FAXC: variants seen among roughly 807,000 people sequenced by gnomAD.
FAXC encodes the protein failed axon connections homolog, metaxin like GST domain containing, also known as failed axon connections homolog.
In FAXC, 10 loss-of-function variants were observed where a neutral mutation model predicts 41.9. The observed-to-expected ratio is 0.24, with a 90% CI of 0.15 to 0.41. The LOEUF is 0.41. Ranked by LOEUF, FAXC falls within the 10% of genes least tolerant of loss-of-function variation. The probability of loss-of-function intolerance (pLI) is 1.00; values close to 1 mark genes in which losing one functional copy is unlikely to be tolerated. For missense variants in FAXC, 399 were observed against 510.9 expected (o/e 0.78, Z 2.11); for synonymous variants, 183 against 183.8 (o/e 1.00, Z 0.03).
At chr6:99,332,616 G>A (rs1474723) in intron 3 of FAXC, among the ~76,000 whole-genome samples, 19,991 of 152,122 alleles carry the variant, frequency 0.13, 1,795 homozygotes, top group South Asian at 0.28. Flanking sequence ...TCATCAACTC[G>A]TGTGATGGTT....
rs141573986 is a variant in FAXC, at chr6:99,308,579, G to A, written c.823+14865C>T. ...AGGGAAATTATTCCTCAGAAGTAAT[G>A]CATCCAGACATGAAAGAGTCATCTA... is the stretch of plus-strand genomic sequence containing the variant. On this transcript the variant is annotated intron_variant, in intron 4 of 5. Transcript: ENST00000389677. Among the ~76,000 whole-genome samples, 460 of 148,154 alleles carry A rather than the reference G, an allele frequency of 3.1e-3. 5 individuals are homozygous for A. Among genetic ancestry groups the A allele is most frequent in the African/African-American group, 0.011 (443 of 40,154 alleles).
chr6:99,288,934 CAT>C (rs1164560254), intron 5 of FAXC, among the ~76,000 whole-genome samples: 1 of 151,844 alleles, frequency 6.6e-6, no homozygotes, highest in Admixed American at 6.6e-5. Context: ...GACCACCACA[CAT>C]GACTGCTTGC....
Position 99,349,400 on chromosome 6 carries a change from C to A in FAXC, c.-28G>T. ...TGCGCGGCTGGCTCCGGGCGCCCCTCCCAGGGCCCGCGCCGCCCGCATGGG... is the reference window on the plus strand; with the variant it reads ...TGCGCGGCTGGCTCCGGGCGCCCCTACCAGGGCCCGCGCCGCCCGCATGGG... On this transcript the variant is annotated 5_prime_UTR_variant, in exon 1 of 6. Transcript: ENST00000389677. 1 of 1,568,488 alleles carries A rather than the reference C, an allele frequency of 6.4e-7. No homozygotes were observed. Among genetic ancestry groups the A allele is most frequent in the Non-Finnish European group, 8.6e-7 (1 of 1,159,678 alleles).
In FAXC at chr6:99,342,978, G is replaced by C; in HGVS notation, c.322C>G (p.Pro108Ala). The C allele has an allele frequency of 6.2e-7, 1 of 1,611,966 alleles. No homozygotes were observed. Among genetic ancestry groups the C allele is most frequent in the Non-Finnish European group, 8.5e-7 (1 of 1,179,436 alleles). Residue 108 changes from proline (P) to alanine (A), a missense_variant, in exon 2 of 6, where the codon CCT becomes GCT. Around this residue, in one of 3 missense-constraint regions of FAXC, gnomAD observed 239 missense variants for 352.7 expected, o/e 0.68. Transcript: ENST00000389677. ...DAIILHQFAR[P>A]NNGVPSLSPF... ...GATAAACTTGGAACACCATTGTTAG[G>C]TCTTGCAAACTGATGCAAAATAATA...
At chr6:99,349,837 C>T (rs1280530850), upstream of FAXC, among the ~76,000 whole-genome samples, 1 of 152,038 alleles carries the variant, frequency 6.6e-6, no homozygotes, top group African/African-American at 2.4e-5. Flanking sequence ...CCGGGCGGCA[C>T]GCCCAAAAAC....
chr6:99,308,609 T>TAA (rs1772028763), intron 4 of FAXC, among the ~76,000 whole-genome samples: 1 of 137,214 alleles, frequency 7.3e-6, no homozygotes. Flanking sequence ...CATCTATAAT[T>TAA]CAAAAAAAAA....
intron 2 of FAXC, among the ~76,000 whole-genome samples, chr6:99,337,317 A>C (rs1277075760): frequency 6.6e-6 from 1 of 152,056 alleles, no homozygotes; most frequent in African/African-American, 2.4e-5. Flanking sequence ...ATCAAAAGTT[A>C]GGGCTGACAG....
chr6:99,343,913 T>C (rs943150453), intron 1 of FAXC, among the ~76,000 whole-genome samples: 5 of 152,186 alleles, frequency 3.3e-5, no homozygotes, highest in African/African-American at 4.8e-5. Flanking sequence ...GCTTTTCCCC[T>C]TTCTCCTGTC....
At chr6:99,304,873 G>T (rs1771852870) in intron 4 of FAXC, among the ~76,000 whole-genome samples, 1 of 152,212 alleles carries the variant, frequency 6.6e-6, no homozygotes. Flanking sequence ...CAGTGCAACA[G>T]CAGAGAAGAG....
rs146083334 is a variant in FAXC, at chr6:99,323,947, C to T, written c.600-280G>A. On this transcript the variant is annotated intron_variant, in intron 3 of 5. Transcript: ENST00000389677. ...CCTCTCCCCTCCCCTCCCAGTGCCA[C>T]GTTTCTGCCTTCTCTCACACAACCC... Among the ~76,000 whole-genome samples, 1,202 of 152,212 alleles carry T rather than the reference C, an allele frequency of 7.9e-3. 16 individuals carry two copies. The highest frequency in any genetic ancestry group is 0.058 in the South Asian group (277 of 4,814).
intron 3 of FAXC, among the ~76,000 whole-genome samples, chr6:99,328,791 C>T (rs1772922567): frequency 6.6e-6 from 1 of 152,186 alleles, no homozygotes; most frequent in South Asian, 2.1e-4. Flanking sequence ...CATTACAAAG[C>T]CTTGATGTCT....
At chr6:99,333,707 C>T (rs1773111931) in intron 2 of FAXC, among the ~76,000 whole-genome samples, 160 bp from the exon 3 acceptor site, 1 of 152,058 alleles carries the variant, frequency 6.6e-6, no homozygotes, top group African/African-American at 2.4e-5. Context: ...TACATGGTTA[C>T]TTCAGGAAAA....
chr6:99,283,995 T>C (rs1770924775), intron 5 of FAXC: 1 of 152,218 alleles, frequency 6.6e-6, no homozygotes, highest in Non-Finnish European at 1.5e-5. Flanking sequence ...TGCTCTGTGA[T>C]CATGTGACAT....
At chr6:99,290,198 T>C (rs1771184454) in intron 5 of FAXC, among the ~76,000 whole-genome samples, 1 of 151,706 alleles carries the variant, frequency 6.6e-6, no homozygotes, top group African/African-American at 2.4e-5. Flanking sequence ...TCTTTCCGTA[T>C]GCCATTTCCA....
In FAXC at chr6:99,280,942, T is replaced by C; in HGVS notation, c.*222A>G. 2.0e-6 allele frequency: 1 copy of C among 501,908 alleles called. No homozygotes were observed. The allele number at this position is 501,908 out of a possible 1,614,324, so 31.1% of individuals were successfully genotyped here. ...AAACAAAAATGGATTTCAGGAACCA[T>C]GCTGACATTATTTTTTGCCTGTTTG... On this transcript the variant is annotated 3_prime_UTR_variant, in exon 6 of 6. Transcript: ENST00000389677.
intron 4 of FAXC, among the ~76,000 whole-genome samples, chr6:99,307,985 T>A (rs1435654024): frequency 6.6e-6 from 1 of 151,864 alleles, no homozygotes; most frequent in Non-Finnish European, 1.5e-5. Context: ...TTGGGACAAA[T>A]CAAAGACAAT....
chr6:99,338,997 A>G (rs1299969186), intron 2 of FAXC, among the ~76,000 whole-genome samples: 1 of 152,202 alleles, frequency 6.6e-6, no homozygotes, highest in African/African-American at 2.4e-5. Flanking sequence ...GCCCTGCATT[A>G]TAGCACTTAC....
intron 4 of FAXC, among the ~76,000 whole-genome samples, chr6:99,317,557 A>G (rs955394839): frequency 2.0e-5 from 3 of 150,580 alleles, no homozygotes; most frequent in Admixed American, 6.6e-5. Context: ...AGGTCAGAAA[A>G]CAGCAGGGGC....
At chr6:99,336,614 C>T (rs1773225775) in intron 2 of FAXC, among the ~76,000 whole-genome samples, 1 of 152,186 alleles carries the variant, frequency 6.6e-6, no homozygotes, top group African/African-American at 2.4e-5. Flanking sequence ...ACATATACTA[C>T]ATTATTAGCA....
Sources: allele counts gnomAD v4.1 joint callset (sites outside exome capture counted in the v4.1 genomes callset), GRCh38; gene constraint gnomAD v4.1.1; regional missense constraint gnomAD v4.1.1; transcripts MANE v1.5; gene names NCBI Gene and HGNC (gene_info 2026-07-23, HGNC 2026-07-21).